Variants in RGS22 observed in about 807,000 individuals in gnomAD.
RGS22 encodes regulator of G-protein signaling 22.
Under a neutral mutation model 172.9 loss-of-function variants are expected in RGS22, and 148 were observed. That is an observed-to-expected ratio of 0.86 (90% CI 0.75 to 0.98). RGS22 has a LOEUF of 0.98. Ranked by LOEUF, RGS22 falls within the 50% of genes least tolerant of loss-of-function variation. The pLI is 0.00. For missense variants in RGS22, 1,347 were observed against 1,440.8 expected, an observed-to-expected ratio of 0.93 and a Z score of 1.05; for synonymous variants, 458 against 480.2, an observed-to-expected ratio of 0.95 and a Z score of 0.60.
At chr8:100,047,724 A>G (rs2131642266) in intron 10 of RGS22, 128 bp from the exon 11 acceptor site, 3 of 756,664 alleles carry the variant, frequency 4.0e-6, no homozygotes, top group Non-Finnish European at 5.6e-6. Flanking sequence ...AATGCTTCCC[A>G]ATAAAATAGA....
In RGS22 at chr8:99,965,379, A is replaced by C. The variant is rs1297620041; in HGVS notation, c.3571T>G (p.Leu1191Val). 6.2e-7 allele frequency: 1 copy of C among 1,613,682 alleles called. No homozygotes were observed. Among genetic ancestry groups the C allele is most frequent in the African/African-American group, 1.3e-5 (1 of 74,926 alleles). ...NTSVPAIKTA[L>V]LSDSFLGLQP... The stretch of plus-strand genomic sequence containing the variant: ...AGGCCTAGGAAGGAATCACTGAGTA[A>C]AGCAGTTTTGATAGCAGGCACTGAA... The change falls in exon 24 of 28, where the codon TTA becomes GTA. Residue 1191 changes from leucine to valine, a missense_variant. Coordinates refer to ENST00000360863, the MANE Select transcript of RGS22 (RefSeq NM_015668.5).
intron 3 of RGS22, chr8:100,093,202 C>T (rs1346090999): frequency 2.9e-6 from 1 of 347,394 alleles, no homozygotes; most frequent in East Asian, 5.6e-5. Context: ...TACAGCTGAA[C>T]CAGAGTTTGT....
At position 100,105,926 on chromosome 8, in the gene RGS22, T is replaced by TC; in HGVS notation, c.-6dup. On this transcript the variant is annotated 5_prime_UTR_variant, in exon 1 of 28. Transcript: ENST00000360863. ...GGTGAGCCTCTTCTCGGGCATGCCG[T>TC]CCCCGCTGCCCGCGCCTGGAGCCCG... The TC allele has an allele frequency of 1.4e-6, 2 of 1,481,074 alleles. No homozygotes were observed. The highest frequency in any genetic ancestry group is 1.8e-6 in the Non-Finnish European group (2 of 1,118,308). 91.7% of individuals were successfully genotyped at this position (1,481,074 alleles called of 1,614,324 possible).
In RGS22 at chr8:100,092,008, A is replaced by T. The variant is rs1405252397; in HGVS notation, c.117+1439T>A. 2.0e-5 allele frequency: 3 copies of T among 152,322 alleles called. No homozygotes were observed. In the South Asian group the frequency reaches 6.2e-4, roughly 32 times the overall value. The allele number at this position is 152,322 out of a possible 1,614,324, so 9.4% of individuals were successfully genotyped here. ...CCTAGCTATGCCCAACAGAGAGAGT[A>T]CAAAATTATTTTAGAAAAATAAAAT... On this transcript the variant is annotated intron_variant, in intron 3 of 27. Transcript: ENST00000360863.
At chr8:100,030,756 T>C (rs1477700152) in intron 14 of RGS22, among the ~76,000 whole-genome samples, 1 of 152,194 alleles carries the variant, frequency 6.6e-6, no homozygotes, top group Non-Finnish European at 1.5e-5. Flanking sequence ...TAGGGTCTAC[T>C]ACCACTAGCA....
In RGS22 at chr8:100,089,211, A is replaced by AACAC. The variant is rs58302018; in HGVS notation, c.117+4232_117+4235dup. Among the ~76,000 whole-genome samples, 180 of 144,610 alleles carry AACAC rather than the reference A, an allele frequency of 1.2e-3. 2 individuals are homozygous for AACAC. Among genetic ancestry groups the AACAC allele is most frequent in the African/African-American group, 3.9e-3 (154 of 39,948 alleles). The allele number at this position is 144,610 out of a possible 152,430, so 94.9% of individuals were successfully genotyped here. On this transcript the variant is annotated intron_variant, in intron 3 of 27. Transcript: ENST00000360863. ...GATACACGAGATACACACACACACA[A>AACAC]ACACACACACACACACACACACACG...
intron 3 of RGS22, among the ~76,000 whole-genome samples, chr8:100,083,830 C>CTTTTTTTTTTTTTTTT (rs59603032): frequency 3.4e-4 from 43 of 125,970 alleles, no homozygotes; most frequent in East Asian, 9.2e-4. Flanking sequence ...AATTTCTTTT[C>CTTTTTTTTTTTTTTTT]TTTTTTTTTT....
At chr8:100,027,486 T>A (rs1013470390) in intron 14 of RGS22, among the ~76,000 whole-genome samples, 1 of 152,128 alleles carries the variant, frequency 6.6e-6, no homozygotes, top group African/African-American at 2.4e-5. Context: ...TTCATTTTAT[T>A]TATTTATTTA....
intron 12 of RGS22, among the ~76,000 whole-genome samples, chr8:100,041,211 G>A (rs1288011213): frequency 6.6e-6 from 1 of 152,094 alleles, no homozygotes; most frequent in Non-Finnish European, 1.5e-5. Context: ...GGCTTTGGCT[G>A]GGTGCGGTGG....
intron 14 of RGS22, among the ~76,000 whole-genome samples, chr8:100,015,474 G>A (rs1266035256): frequency 2.0e-5 from 3 of 152,032 alleles, no homozygotes; most frequent in Non-Finnish European, 2.9e-5. Context: ...TGTATTTTTC[G>A]TAGAGACAGG....
At chr8:100,105,812 G>T in intron 1 of RGS22, 85 bp downstream of exon 1, 2 of 1,200,222 alleles carry the variant, frequency 1.7e-6, no homozygotes, top group Non-Finnish European at 2.3e-6. Context: ...CGCTAGGAGG[G>T]CAGGAGGTAA....
chr8:100,080,422 C>T (rs1811669985), intron 3 of RGS22, 67 bp from the exon 4 acceptor site: 3 of 1,187,648 alleles, frequency 2.5e-6, no homozygotes, highest in Middle Eastern at 5.4e-4. Flanking sequence ...TCTAAGAAGA[C>T]TTGTGGTTTA....
intron 9 of RGS22, among the ~76,000 whole-genome samples, chr8:100,061,316 A>C (rs893992874): frequency 6.6e-6 from 1 of 152,212 alleles, no homozygotes; most frequent in Non-Finnish European, 1.5e-5. Flanking sequence ...AATTGGATCT[A>C]TCTAAACTAA....
intron 2 of RGS22, among the ~76,000 whole-genome samples, chr8:100,098,028 T>C (rs1330292250): frequency 6.6e-6 from 1 of 152,228 alleles, no homozygotes; most frequent in Non-Finnish European, 1.5e-5. Context: ...CCTTGGCACA[T>C]GCTGATTATT....
intron 9 of RGS22, among the ~76,000 whole-genome samples, chr8:100,053,310 T>C (rs947004526): frequency 6.6e-6 from 1 of 151,990 alleles, no homozygotes; most frequent in Non-Finnish European, 1.5e-5. Flanking sequence ...TAACCCCAGC[T>C]ACTCAGGGGG....
intron 10 of RGS22, among the ~76,000 whole-genome samples, chr8:100,049,285 TTG>T (rs1310207891): frequency 2.0e-5 from 3 of 152,190 alleles, no homozygotes; most frequent in Admixed American, 1.3e-4. Context: ...AGGGTGAATT[TTG>T]CTGTATATAA....
chr8:100,017,898 C>A (rs748835840), intron 14 of RGS22, among the ~76,000 whole-genome samples: 1 of 152,076 alleles, frequency 6.6e-6, no homozygotes, highest in Non-Finnish European at 1.5e-5. Context: ...GAAGAAAATG[C>A]TCCCTTCATA....
intron 9 of RGS22, among the ~76,000 whole-genome samples, chr8:100,057,377 G>A (rs768749999): frequency 5.3e-5 from 8 of 152,176 alleles, no homozygotes; most frequent in Admixed American, 1.3e-4. Context: ...GGGAAGGCAC[G>A]ATGGTGTTTT....
intron 6 of RGS22, among the ~76,000 whole-genome samples, chr8:100,067,774 A>ACC (rs1356801857): frequency 6.6e-6 from 1 of 151,468 alleles, no homozygotes; most frequent in Non-Finnish European, 1.5e-5. Flanking sequence ...ACAGGCGCCC[A>ACC]CCACCATGCC....
Sources: gnomAD v4.1 joint callset for allele counts (sites outside exome capture counted in the v4.1 genomes callset) on GRCh38, gnomAD v4.1.1 for gene constraint, MANE v1.5 for transcripts, NCBI Gene and HGNC (gene_info 2026-07-23, HGNC 2026-07-21) for gene names.